Variants in IGFLR1 observed in about 807,000 individuals in gnomAD.
IGFLR1 encodes the protein IGF like family receptor 1.
Under a neutral mutation model 23.4 loss-of-function variants are expected in IGFLR1, and 17 were observed. The observed-to-expected ratio is 0.73, with a 90% CI of 0.50 to 1.09. The LOEUF is 1.09. Among genes scored for constraint, IGFLR1 ranks in the 50% least tolerant of loss-of-function variants. IGFLR1 has a pLI of 0.00. For synonymous variants in IGFLR1, 265 were observed against 210.7 expected (o/e 1.26, Z -2.23); for missense variants, 556 against 459.2 (o/e 1.21, Z -1.93).
At position 35,740,994 on chromosome 19, in the gene IGFLR1, C is replaced by T. The variant is rs762034263; in HGVS notation, c.157+30G>A. The T allele has an allele frequency of 1.9e-5, 31 of 1,606,672 alleles. No individual in the cohort carries two copies. The East Asian group carries it at 6.5e-4, about 34-fold the overall frequency. On this transcript the variant is annotated intron_variant, in intron 2 of 4. Transcript: ENST00000246532. ...CGCTCCCTATCACCTGCAAGCTCCG[C>T]CCAAGCAAGGCTCGGTCTCGGATTC...
rs1230630232 is a variant in IGFLR1 at position 35,741,037 on chromosome 19, C to T, written c.144G>A (p.Pro48=). 1.2e-6 allele frequency: 2 copies of T among 1,609,322 alleles called. No homozygotes were observed. The highest frequency in any genetic ancestry group is 1.7e-6 in the Non-Finnish European group (2 of 1,178,026). ...TCGGATTCTCACCCGGGCAGGGGGG[C>T]GGCCCGAAGCGTTGCAGGCAGCTGC... ...CCSSCLQRFG[P]PPCPDYEFRE... The change falls in exon 2 of 5, where the codon CCG becomes CCA. Residue 48 remains proline, a synonymous_variant. Transcript: ENST00000246532.
chr19:35,741,267 T>C (rs937208940), intron 1 of IGFLR1, 44 bp from the exon 2 acceptor site: 1 of 1,550,212 alleles, frequency 6.5e-7, no homozygotes, highest in Non-Finnish European at 8.7e-7. Context: ...GACGCGGTGA[T>C]GTGGGGGAAC....
chr19:35,742,241 G>T, intron 1 of IGFLR1, 155 bp downstream of exon 1: 1 of 510,782 alleles, frequency 2.0e-6, no homozygotes, highest in Non-Finnish European at 3.3e-6. Flanking sequence ...ACTGGCTGGA[G>T]ACCACCTCCC....
rs376625217 is a variant in IGFLR1, at chr19:35,739,268, C to G, written c.*12G>C. On this transcript the variant is annotated 3_prime_UTR_variant, in exon 5 of 5. Transcript: ENST00000246532. ...ACTGGGCTTAGTAGTCAGCAAAGTT[C>G]TTTATTGGGTGTTAAGCCCAGCAAA... 5.1e-6 allele frequency: 8 copies of G among 1,553,636 alleles called. No homozygotes were observed. In the Admixed American group the frequency reaches 9.3e-5, roughly 18 times the overall value.
At position 35,739,939 on chromosome 19, in the gene IGFLR1, G is replaced by A. The variant is rs777142494; in HGVS notation, c.492C>T (p.Leu164=). Residue 164 remains leucine, a synonymous_variant, in exon 4 of 5, where the codon CTC becomes CTT. Coordinates refer to ENST00000246532, the MANE Select transcript of IGFLR1 (RefSeq NM_024660.4). ...AGGTCAGGAGCAGGACCAGCACCACGAGCGGAAGGAAATTCGGCCAGGCCT... is the reference window on the plus strand; with the variant it reads ...AGGTCAGGAGCAGGACCAGCACCACAAGCGGAAGGAAATTCGGCCAGGCCT... ...PQQAWPNFLP[L]VVLVLLLTLA... The A allele has an allele frequency of 7.4e-6, 12 of 1,614,038 alleles. No individual in the cohort carries two copies. The East Asian group carries it at 1.1e-4, about 15-fold the overall frequency.
rs759566415 is a variant in IGFLR1 at position 35,740,586 on chromosome 19, A to G, written c.158-22T>C. 4.4e-6 allele frequency: 7 copies of G among 1,582,014 alleles called. No homozygotes were observed. The African/African-American group carries it at 6.7e-5, about 15-fold the overall frequency. On this transcript the variant is annotated intron_variant, in intron 2 of 4. Coordinates refer to ENST00000246532, the MANE Select transcript of IGFLR1 (RefSeq NM_024660.4). The stretch of plus-strand genomic sequence containing the variant: ...TAGTCTAGCGGGAAAGCTGCGCTCC[A>G]GTGCGGCCGCCTAGCCCGCCCCTGC...
intron 1 of IGFLR1, among the ~76,000 whole-genome samples, chr19:35,742,106 T>TA (rs899362709): frequency 1.4e-4 from 21 of 151,926 alleles, no homozygotes; most frequent in African/African-American, 2.2e-4. Flanking sequence ...TGAAACTCCT[T>TA]AAAAAAAACA....
At chr19:35,739,654 C>G in intron 4 of IGFLR1, 28 bp from the exon 5 acceptor site, 4 of 1,585,230 alleles carry the variant, frequency 2.5e-6, no homozygotes, top group Non-Finnish European at 3.4e-6. Flanking sequence ...GGTAAAGGTG[C>G]GGAAGAGCGG....
chr19:35,740,970 GCTCC>G (rs764003622), intron 2 of IGFLR1, 50 bp downstream of exon 2: 1 of 1,562,090 alleles, frequency 6.4e-7, no homozygotes, highest in South Asian at 1.1e-5. Context: ...CCCCTTCCCC[GCTCC>G]CTATCACCTG....
At chr19:35,742,305 A>G in intron 1 of IGFLR1, 91 bp downstream of exon 1, 2 of 1,092,816 alleles carry the variant, frequency 1.8e-6, no homozygotes, top group East Asian at 7.1e-5. Context: ...GGCTCCTCCC[A>G]CCTGCCACAA....
rs370154649 is a variant in IGFLR1 at position 35,739,872 on chromosome 19, G to T, written c.559C>A (p.Leu187Ile). The T allele has an allele frequency of 4.5e-5, 72 of 1,613,922 alleles. No individual in the cohort carries two copies. Among genetic ancestry groups the T allele is most frequent in the Non-Finnish European group, 5.8e-5 (68 of 1,179,924 alleles). Residue 187 changes from leucine to isoleucine, a missense_variant, in exon 4 of 5, where the codon CTC becomes ATC. Transcript: ENST00000246532. ...TCGGCTTTCTCCTTGGGCCAGCAGA[G>T]ATGCCAGAGCAGAATAAACAGGAGG... ...AILLFILLWH[L>I]CWPKEKADPY...
At chr19:35,741,554 C>A in intron 1 of IGFLR1, 1 of 230,684 alleles carries the variant, frequency 4.3e-6, no homozygotes, top group Non-Finnish European at 8.5e-6. Flanking sequence ...TGTGGTGGCT[C>A]ATGCCTGTAA....
chr19:35,740,794 TCCACGCGG>T, intron 2 of IGFLR1: 1 of 634,074 alleles, frequency 1.6e-6, no homozygotes, highest in Non-Finnish European at 2.7e-6. Flanking sequence ...GCCCACCCTT[TCCACGCGG>T]CCCCTATCCC....
At chr19:35,740,720 C>CT (rs1868364285) in intron 2 of IGFLR1, 156 bp from the exon 3 acceptor site, 1 of 738,294 alleles carries the variant, frequency 1.4e-6, no homozygotes, top group Non-Finnish European at 2.1e-6. Context: ...CCGGGCTCGC[C>CT]TTTTCACCCC....
At chr19:35,740,973 C>T in intron 2 of IGFLR1, 51 bp downstream of exon 2, 2 of 1,576,610 alleles carry the variant, frequency 1.3e-6, no homozygotes, top group Non-Finnish European at 1.7e-6. Flanking sequence ...CTTCCCCGCT[C>T]CCTATCACCT....
Position 35,740,852 on chromosome 19 carries a change from G to A in IGFLR1, c.157+172C>T, listed in dbSNP as rs562649275. ...ATCCATTCGCTGTTGCCCTACGGTA[G>A]CCCGCACTATCTGCACAGGCTCTGC... is the stretch of plus-strand genomic sequence containing the variant. On this transcript the variant is annotated intron_variant, in intron 2 of 4. Transcript: ENST00000246532. 344 of 684,338 alleles carry A rather than the reference G, an allele frequency of 5.0e-4. 1 individual carries two copies. The Middle Eastern group carries it at 5.3e-3, about 11-fold the overall frequency. 42.4% of individuals were successfully genotyped at this position (684,338 alleles called of 1,614,324 possible). A position where few individuals can be genotyped will look rare whatever the true frequency, so the allele number is the denominator to read the frequency against.
At position 35,740,041 on chromosome 19, in the gene IGFLR1, T is replaced by C; in HGVS notation, c.390A>G (p.Pro130=). The part of the protein sequence containing the change: ...KGHCPLTPGN[P]GAPSSQERSS... ...TGCGCTCCTGGGAGCTAGGGGCGCC[T>C]GGGTTTCCAGGTGTGAGGGGGCAGT... Residue 130 remains proline (P), a synonymous_variant, in exon 4 of 5, where the codon CCA becomes CCG. Coordinates refer to ENST00000246532, the MANE Select transcript of IGFLR1 (RefSeq NM_024660.4). 6.2e-7 allele frequency: 1 copy of C among 1,613,834 alleles called. No individual in the cohort carries two copies. The highest frequency in any genetic ancestry group is 8.5e-7 in the Non-Finnish European group (1 of 1,179,920).
intron 1 of IGFLR1, among the ~76,000 whole-genome samples, 158 bp downstream of exon 1, chr19:35,742,238 G>GGA (rs3043405): frequency 0.1 from 15,460 of 152,220 alleles, 871 homozygotes; most frequent in South Asian, 0.11. Context: ...CATACTGGCT[G>GGA]GAGACCACCT....
chr19:35,740,844 C>T (rs1466541683), intron 2 of IGFLR1, 180 bp downstream of exon 2: 3 of 673,226 alleles, frequency 4.5e-6, no homozygotes, highest in African/African-American at 3.6e-5. Flanking sequence ...CGCTGTTGCC[C>T]TACGGTAGCC....
Sources: gnomAD v4.1 joint callset for allele counts (sites outside exome capture counted in the v4.1 genomes callset) on GRCh38, gnomAD v4.1.1 for gene constraint, MANE v1.5 for transcripts, NCBI Gene and HGNC (gene_info 2026-07-23, HGNC 2026-07-21) for gene names.